SGCD: variants seen among roughly 807,000 people sequenced by gnomAD.
SGCD encodes delta-sarcoglycan.
In SGCD, 18 loss-of-function variants were observed where a neutral mutation model predicts 36.6. That is an observed-to-expected ratio of 0.49 (90% CI 0.34 to 0.73). SGCD has a LOEUF of 0.73. Among genes scored for constraint, SGCD ranks in the 30% least tolerant of loss-of-function variants. The pLI, the probability that SGCD is intolerant of heterozygous loss-of-function variation, is 0.01. For missense variants in SGCD, 387 were observed against 346.7 expected (o/e 1.12, Z -0.92); for synonymous variants, 133 against 130.6 (o/e 1.02, Z -0.12).
chr5:156,073,581 T>C (rs1760662309), intron 1 of SGCD, among the ~76,000 whole-genome samples: 1 of 152,160 alleles, frequency 6.6e-6, no homozygotes, highest in South Asian at 2.1e-4. Context: ...AAAATAAATA[T>C]GTCACACTAT....
intron 7 of SGCD, among the ~76,000 whole-genome samples, chr5:156,675,897 G>A (rs1369254411): frequency 2.0e-5 from 3 of 152,100 alleles, no homozygotes; most frequent in Non-Finnish European, 4.4e-5. Context: ...AGAAGGATAT[G>A]ACTGATTAAA....
chr5:156,725,208 T>C (rs1261543967), intron 7 of SGCD, among the ~76,000 whole-genome samples: 1 of 152,140 alleles, frequency 6.6e-6, no homozygotes, highest in Non-Finnish European at 1.5e-5. Context: ...CAAGGAGTTG[T>C]CTAGAATGAT....
intron 3 of SGCD, among the ~76,000 whole-genome samples, chr5:156,183,894 G>C (rs1763668235): frequency 6.6e-6 from 1 of 152,110 alleles, no homozygotes; most frequent in African/African-American, 2.4e-5. Flanking sequence ...ATCAAGAGCA[G>C]TAATATAATC....
intron 3 of SGCD, among the ~76,000 whole-genome samples, chr5:156,216,130 A>G (rs1165884909): frequency 6.6e-6 from 1 of 152,230 alleles, no homozygotes; most frequent in Non-Finnish European, 1.5e-5. Flanking sequence ...TGTTGAACTC[A>G]TTGAAACAGC....
chr5:156,366,002 T>C (rs771756181), intron 3 of SGCD, among the ~76,000 whole-genome samples: 2 of 152,150 alleles, frequency 1.3e-5, no homozygotes, highest in Admixed American at 6.6e-5. Flanking sequence ...CAAGAAGACA[T>C]GAGTAGCCAT....
the SGCD span, among the ~76,000 whole-genome samples, chr5:155,839,584 A>C: frequency 9.2e-5 from 14 of 152,212 alleles, no homozygotes; most frequent in African/African-American, 3.4e-4. Flanking sequence ...TTGTCATTTT[A>C]AAATGAATTA....
chr5:155,826,869 G>T, the SGCD span, among the ~76,000 whole-genome samples: 1 of 152,152 alleles, frequency 6.6e-6, no homozygotes, highest in Non-Finnish European at 1.5e-5. Flanking sequence ...TCCATGAAAG[G>T]GCTACAACCA....
chr5:156,290,480 G>C (rs1766729377), intron 3 of SGCD, among the ~76,000 whole-genome samples: 1 of 150,936 alleles, frequency 6.6e-6, no homozygotes, highest in South Asian at 2.1e-4. Context: ...ATTTTGCAAG[G>C]TACTTACTGT....
intron 3 of SGCD, among the ~76,000 whole-genome samples, chr5:156,283,774 CA>C (rs1271507727): frequency 3.9e-5 from 6 of 152,086 alleles, no homozygotes; most frequent in African/African-American, 7.2e-5. Flanking sequence ...AATTTTTAAC[CA>C]ATTCTCAAGA....
At chr5:155,962,120 C>G (rs1291354737) in intron 1 of SGCD, among the ~76,000 whole-genome samples, 4 of 152,010 alleles carry the variant, frequency 2.6e-5, no homozygotes, top group Admixed American at 2.0e-4. Flanking sequence ...GTTGTATGAT[C>G]TATGCATAGT....
intron 2 of SGCD, among the ~76,000 whole-genome samples, chr5:156,337,697 T>A (rs1376922877): frequency 6.6e-6 from 1 of 152,236 alleles, no homozygotes; most frequent in Non-Finnish European, 1.5e-5. Context: ...GGTTTCATTA[T>A]TGTCCATTAT....
intron 3 of SGCD, among the ~76,000 whole-genome samples, chr5:156,130,756 C>T (rs139321114): frequency 5.3e-5 from 8 of 151,186 alleles, no homozygotes; most frequent in African/African-American, 1.2e-4. Flanking sequence ...GATGGAGTTT[C>T]GCTCTTGTCA....
chr5:156,058,114 G>A (rs570283900), intron 1 of SGCD, among the ~76,000 whole-genome samples: 12 of 145,664 alleles, frequency 8.2e-5, no homozygotes, highest in African/African-American at 2.7e-4. Context: ...ATGGGCTTCT[G>A]GTGCAAAGAC....
At chr5:155,751,185 G>A in the SGCD span, among the ~76,000 whole-genome samples, 1 of 152,200 alleles carries the variant, frequency 6.6e-6, no homozygotes, top group East Asian at 1.9e-4. Context: ...ATGATGATAA[G>A]AGACTATTAA....
At chr5:156,020,247 T>C (rs922546703) in intron 1 of SGCD, among the ~76,000 whole-genome samples, 12 of 152,242 alleles carry the variant, frequency 7.9e-5, no homozygotes, top group African/African-American at 1.2e-4. Flanking sequence ...TGAGAACATA[T>C]ATCTCCTCTT....
chr5:156,033,676 A>T (rs968627262), intron 1 of SGCD, among the ~76,000 whole-genome samples: 3 of 152,142 alleles, frequency 2.0e-5, no homozygotes, highest in Admixed American at 6.5e-5. Flanking sequence ...GCTTTCTCAC[A>T]TTTGCAAATT....
At chr5:156,557,945 C>A (rs1241358820) in intron 4 of SGCD, among the ~76,000 whole-genome samples, 5 of 151,416 alleles carry the variant, frequency 3.3e-5, no homozygotes, top group African/African-American at 1.2e-4. Context: ...AGTTGTCCAT[C>A]AAAAATGGAA....
At position 156,079,461 on chromosome 5, in the gene SGCD, C is replaced by T. The variant is rs191414626; in HGVS notation, c.-281-38417C>T. On this transcript the variant is annotated intron_variant, in intron 1 of 9. Transcript: ENST00000517913. ...CATTCCAGCATTAACTCAAAAGTTC[C>T]GAGCCCAAAGTCTCATCTGGAGACG... Among the ~76,000 whole-genome samples, 294 of 152,268 alleles carry T rather than the reference C, an allele frequency of 1.9e-3. 1 individual carries two copies. Among genetic ancestry groups the T allele is most frequent in the African/African-American group, 6.9e-3 (285 of 41,550 alleles).
intron 3 of SGCD, among the ~76,000 whole-genome samples, chr5:156,148,833 C>T (rs1238988343): frequency 8.5e-5 from 13 of 152,066 alleles, no homozygotes; most frequent in Non-Finnish European, 1.8e-4. Flanking sequence ...CTTTAGGGTC[C>T]GGGGTCTGGA....
Sources: allele counts gnomAD v4.1 joint callset (sites outside exome capture counted in the v4.1 genomes callset), GRCh38; gene constraint gnomAD v4.1.1; transcripts MANE v1.5; gene names NCBI Gene and HGNC (gene_info 2026-07-23, HGNC 2026-07-21).